TNS1: variants seen among roughly 807,000 people sequenced by gnomAD.
The protein encoded by TNS1 is tensin-1.
TNS1 carries 62 observed loss-of-function variants against 168.6 expected under a neutral mutation model. That is an observed-to-expected ratio of 0.37 (90% CI 0.30 to 0.45). The LOEUF (loss-of-function observed/expected upper bound fraction) is 0.45. TNS1 is among the 20% of genes least tolerant of loss of function. The probability of loss-of-function intolerance (pLI) is 1.00; values close to 1 mark genes in which losing one functional copy is unlikely to be tolerated. For synonymous variants in TNS1, 934 were observed against 933.2 expected (o/e 1.00, Z -0.02); for missense variants, 2,240 against 2,339.4 (o/e 0.96, Z 0.88).
chr2:217,804,670 C>T, intron 32 of TNS1, 67 bp from the exon 33 acceptor site: 3 of 1,591,798 alleles, frequency 1.9e-6, no homozygotes, highest in Non-Finnish European at 2.6e-6. Context: ...TGGACAGCAG[C>T]CCAGGTGAGC....
chr2:217,808,552 C>T (rs776856942), intron 31 of TNS1, 51 bp downstream of exon 31: 19 of 1,541,994 alleles, frequency 1.2e-5, no homozygotes, highest in South Asian at 4.5e-5. Flanking sequence ...CCCACACAGA[C>T]GTCAGTGTTA....
chr2:218,013,451 C>T (rs938982063), upstream of TNS1, among the ~76,000 whole-genome samples: 3 of 152,162 alleles, frequency 2.0e-5, no homozygotes, highest in East Asian at 5.8e-4. Flanking sequence ...AGGTTCTGGG[C>T]TGCCCTGGGG....
intron 18 of TNS1, among the ~76,000 whole-genome samples, chr2:217,856,585 C>T (rs1393873635): frequency 6.6e-6 from 1 of 152,088 alleles, no homozygotes; most frequent in African/African-American, 2.4e-5. Context: ...GAAGGAGAGC[C>T]ACACAGAGGA....
chr2:217,984,237 C>A (rs1170061506), intron 2 of TNS1, among the ~76,000 whole-genome samples: 1 of 152,104 alleles, frequency 6.6e-6, no homozygotes, highest in Admixed American at 6.5e-5. Flanking sequence ...CTGCAGAGAA[C>A]CTTGACTGAT....
chr2:217,987,042 GC>G (rs1401540188), intron 2 of TNS1: 1 of 152,208 alleles, frequency 6.6e-6, no homozygotes, highest in African/African-American at 2.4e-5. Flanking sequence ...TCTTGGTCCA[GC>G]CCTGTTAATC....
intron 3 of TNS1, among the ~76,000 whole-genome samples, chr2:217,973,442 C>T (rs937225796): frequency 2.4e-4 from 35 of 147,692 alleles, no homozygotes; most frequent in African/African-American, 8.5e-4. Context: ...AGGAGAGAAA[C>T]AACTGGGGAC....
At chr2:218,007,293 G>T (rs1275911119), upstream of TNS1, among the ~76,000 whole-genome samples, 1 of 152,090 alleles carries the variant, frequency 6.6e-6, no homozygotes, top group African/African-American at 2.4e-5. Flanking sequence ...TAGGCACTTG[G>T]CTTGCTGCAT....
chr2:217,966,290 T>TGG, intron 3 of TNS1, among the ~76,000 whole-genome samples: 1 of 145,136 alleles, frequency 6.9e-6, no homozygotes, highest in Non-Finnish European at 1.5e-5. Context: ...TGTGTGTGTG[T>TGG]GTGTGTGTGT....
chr2:217,810,949 C>T (rs376851115), intron 28 of TNS1, among the ~76,000 whole-genome samples: 360 of 151,706 alleles, frequency 2.4e-3, no homozygotes, highest in African/African-American at 8.3e-3. Flanking sequence ...ATGATCACAG[C>T]TCACTGCAGC....
intron 15 of TNS1, 73 bp downstream of exon 15, chr2:217,885,671 G>T (rs924465522): frequency 1.1e-5 from 17 of 1,492,112 alleles, no homozygotes; most frequent in Admixed American, 1.7e-5. Flanking sequence ...GTCCCAAGAG[G>T]CAGGAAAGGA....
chr2:217,922,964 C>T (rs1955810053), intron 3 of TNS1, among the ~76,000 whole-genome samples: 1 of 152,138 alleles, frequency 6.6e-6, no homozygotes, highest in African/African-American at 2.4e-5. Flanking sequence ...AGAAATGTTT[C>T]CTTAAAAGGC....
chr2:217,900,511 C>T lies in TNS1; in HGVS notation c.323G>A (p.Gly108Asp), dbSNP rs1952842300. 6.5e-7 allele frequency: 1 copy of T among 1,535,492 alleles called. No individual in the cohort carries two copies. Among genetic ancestry groups the T allele is most frequent in the African/African-American group, 1.4e-5 (1 of 73,014 alleles). The change falls in exon 7 of 33, where the codon GGC (glycine) becomes GAC (aspartate). Residue 108 changes from glycine to aspartate, a missense_variant and splice_region_variant. By Grantham distance (94) the Gly-to-Asp change is moderately conservative. Around this residue, in one of 2 missense-constraint regions of TNS1, gnomAD observed 2,131 missense variants for 2,171.2 expected, o/e 0.98. Transcript: ENST00000682258. ...GNTRKSLEDN[G>D]STRVTPSVQP... is the part of the protein sequence containing the mutation. The stretch of plus-strand genomic sequence containing the variant: ...GACACTCGGGGTGACCCTGGTGGAG[C>T]CCTGGGAAGGAGAGAAGAGAAGCAG...
At chr2:217,823,804 G>A (rs1321644174) in intron 22 of TNS1, among the ~76,000 whole-genome samples, 1 of 152,234 alleles carries the variant, frequency 6.6e-6, no homozygotes, top group Admixed American at 6.5e-5. Flanking sequence ...ACAAGGTGAT[G>A]TAGAACCAGG....
chr2:218,030,991 TGTATGA>T (rs1158126897), intron 1 of TNS1, among the ~76,000 whole-genome samples: 1 of 151,004 alleles, frequency 6.6e-6, no homozygotes, highest in African/African-American at 2.4e-5. Context: ...TATGAGTGTA[TGTATGA>T]GTGTGAGTGT....
chr2:217,906,033 G>A (rs907211327), intron 6 of TNS1, among the ~76,000 whole-genome samples: 1 of 152,154 alleles, frequency 6.6e-6, no homozygotes, highest in Non-Finnish European at 1.5e-5. Flanking sequence ...CTGTGGTTTT[G>A]CGCATTTCCC....
intron 1 of TNS1, among the ~76,000 whole-genome samples, chr2:218,016,615 G>A (rs555025048): frequency 6.6e-6 from 1 of 152,318 alleles, no homozygotes; most frequent in African/African-American, 2.4e-5. Context: ...CCAGAGAACT[G>A]TGATAAGGGC....
At chr2:217,897,230 G>A (rs941259946) in intron 8 of TNS1, among the ~76,000 whole-genome samples, 4 of 152,146 alleles carry the variant, frequency 2.6e-5, no homozygotes, top group African/African-American at 7.2e-5. Flanking sequence ...GGAGACCACC[G>A]CCAGCACCTC....
chr2:217,871,665 T>C (rs1949787201), intron 18 of TNS1, among the ~76,000 whole-genome samples: 1 of 152,142 alleles, frequency 6.6e-6, no homozygotes, highest in African/African-American at 2.4e-5. Flanking sequence ...CCACCCAGAG[T>C]GAGCACTGGG....
chr2:217,892,121 A>G (rs1014123405), intron 11 of TNS1, among the ~76,000 whole-genome samples: 1 of 152,056 alleles, frequency 6.6e-6, no homozygotes, highest in Non-Finnish European at 1.5e-5. Context: ...TCTTTTTGAG[A>G]CAGAGTCTCC....
Sources: allele counts gnomAD v4.1 joint callset (sites outside exome capture counted in the v4.1 genomes callset), GRCh38; gene constraint gnomAD v4.1.1; regional missense constraint gnomAD v4.1.1; transcripts MANE v1.5; gene names NCBI Gene and HGNC (gene_info 2026-07-23, HGNC 2026-07-21).